Variants in SF3B2 observed in about 807,000 individuals in gnomAD.
The protein encoded by SF3B2 is splicing factor 3b subunit 2.
In SF3B2, 22 loss-of-function variants were observed where a neutral mutation model predicts 116.3. The observed-to-expected ratio is 0.19, with a 90% CI of 0.14 to 0.27. SF3B2 has a LOEUF of 0.27. Ranked by LOEUF, SF3B2 falls within the 10% of genes least tolerant of loss-of-function variation. SF3B2 has a pLI of 1.00. For missense variants in SF3B2, 767 were observed against 1,151.4 expected (o/e 0.67, Z 4.83); for synonymous variants, 406 against 421.6 (o/e 0.96, Z 0.45).
At position 66,063,077 on chromosome 11, in the gene SF3B2, C is replaced by G. The variant is rs1333637222; in HGVS notation, c.2046C>G (p.Leu682=). Reference sequence around the variant, plus strand: ...CAGTGGATGAGACTGGGAAACCGCTCTATGGGGACGTGTTTGGAACCAATG... The same window carrying G: ...CAGTGGATGAGACTGGGAAACCGCTGTATGGGGACGTGTTTGGAACCAATG... ...KPPVDETGKP[L]YGDVFGTNAA... Residue 682 remains leucine, a synonymous_variant, in exon 17 of 22, where the codon CTC becomes CTG. Coordinates refer to ENST00000322535, the MANE Select transcript of SF3B2 (RefSeq NM_006842.3). The G allele has an allele frequency of 1.9e-6, 3 of 1,614,016 alleles. No individual in the cohort carries two copies. The highest frequency in any genetic ancestry group is 2.5e-6 in the Non-Finnish European group (3 of 1,179,948).
In SF3B2 at chr11:66,061,876, C is replaced by G. The variant is rs774049962; in HGVS notation, c.1870-15C>G. 10 of 1,610,302 alleles carry G rather than the reference C, an allele frequency of 6.2e-6. No individual in the cohort carries two copies. Among genetic ancestry groups the G allele is most frequent in the Non-Finnish European group, 8.5e-6 (10 of 1,176,984 alleles). ...AGGGTTTGGCAGATGGTATCCTGTT[C>G]TCTTTTTCCTGCAGAATGCCCACAA... On this transcript the variant is annotated splice_polypyrimidine_tract_variant and intron_variant, in intron 15 of 21. Transcript: ENST00000322535.
intron 1 of SF3B2, 62 bp downstream of exon 1, chr11:66,052,579 C>T: frequency 6.3e-7 from 1 of 1,593,268 alleles, no homozygotes; most frequent in Non-Finnish European, 8.6e-7. Flanking sequence ...GCCTGGTTAC[C>T]CGGGAGACTC....
chr11:66,057,351 G>A lies in SF3B2; in HGVS notation c.753G>A (p.Pro251=), dbSNP rs1288316143. ...APVPRPRGPP[P]PPGDENREMD... ...TTCCCCGGCCTCGTGGTCCCCCACCGCCCCCTGGAGATGAGAACAGAGAGG... is the reference window on the plus strand; with the variant it reads ...TTCCCCGGCCTCGTGGTCCCCCACCACCCCCTGGAGATGAGAACAGAGAGG... The change falls in exon 7 of 22, where the codon CCG becomes CCA. Residue 251 remains proline, a synonymous_variant. Transcript: ENST00000322535. 3.1e-5 allele frequency: 45 copies of A among 1,450,620 alleles called. No homozygotes were observed. Among genetic ancestry groups the A allele is most frequent in the Non-Finnish European group, 3.6e-5 (37 of 1,030,688 alleles). The allele number at this position is 1,450,620 out of a possible 1,614,324, so 89.9% of individuals were successfully genotyped here.
intron 19 of SF3B2, chr11:66,067,273 T>TA (rs771415875): frequency 5.9e-5 from 23 of 392,576 alleles, no homozygotes; most frequent in Non-Finnish European, 1.1e-4. Context: ...ATGAACCCTT[T>TA]AGGTCATGGT....
intron 3 of SF3B2, 85 bp from the exon 4 acceptor site, chr11:66,054,991 C>G (rs1199101773): frequency 7.5e-7 from 1 of 1,339,502 alleles, no homozygotes; most frequent in African/African-American, 1.5e-5. Flanking sequence ...AGAATTCCAG[C>G]TCCTGACTCA....
At chr11:66,052,899 C>T (rs1469562390) in intron 2 of SF3B2, 128 bp from the exon 3 acceptor site, 2 of 1,228,550 alleles carry the variant, frequency 1.6e-6, no homozygotes, top group Non-Finnish European at 1.2e-6. Flanking sequence ...CATCTTGGTC[C>T]TCTTCAGTGC....
At chr11:66,057,405 A>T (rs1213068988) in intron 7 of SF3B2, 30 bp downstream of exon 7, 1 of 1,015,522 alleles carries the variant, frequency 9.8e-7, no homozygotes, top group South Asian at 1.3e-5. Flanking sequence ...CCTAGGGATA[A>T]GAGAGTGGTA....
chr11:66,063,149 C>T, intron 17 of SF3B2, 33 bp downstream of exon 17: 1 of 1,497,432 alleles, frequency 6.7e-7, no homozygotes, highest in Non-Finnish European at 9.3e-7. Context: ...CTTGGTTTTA[C>T]TTAATGTCAT....
Position 66,052,549 on chromosome 11 carries a change from C to T in SF3B2, c.133+32C>T, listed in dbSNP as rs768302585. ...AACACAGGAAGTCGAGGGGCCTTTACGGGCCTGCGGAGAAGCGGAGCCTGG... is the reference window on the plus strand; with the variant it reads ...AACACAGGAAGTCGAGGGGCCTTTATGGGCCTGCGGAGAAGCGGAGCCTGG... On this transcript the variant is annotated intron_variant, in intron 1 of 21. Transcript: ENST00000322535. 3.1e-6 allele frequency: 5 copies of T among 1,597,752 alleles called. No individual in the cohort carries two copies. The Admixed American group carries it at 5.2e-5, about 17-fold the overall frequency.
intron 3 of SF3B2, 51 bp downstream of exon 3, chr11:66,053,155 G>C (rs1412942543): frequency 6.5e-7 from 1 of 1,536,974 alleles, no homozygotes; most frequent in African/African-American, 1.4e-5. Context: ...TCCTTTTGTA[G>C]TTCATGAGCA....
chr11:66,052,758 T>G, intron 2 of SF3B2, 39 bp downstream of exon 2: 4 of 1,534,468 alleles, frequency 2.6e-6, no homozygotes, highest in Non-Finnish European at 3.5e-6. Flanking sequence ...AGGCCGAGCT[T>G]CTCCAGGAGA....
Position 66,061,882 on chromosome 11 carries a change from T to G in SF3B2, c.1870-9T>G. ...TGGCAGATGGTATCCTGTTCTCTTT[T>G]TCCTGCAGAATGCCCACAAGGTCCC... On this transcript the variant is annotated splice_polypyrimidine_tract_variant and intron_variant, in intron 15 of 21. Coordinates refer to ENST00000322535, the MANE Select transcript of SF3B2 (RefSeq NM_006842.3). 6.2e-7 allele frequency: 1 copy of G among 1,611,734 alleles called. No individual in the cohort carries two copies. The highest frequency in any genetic ancestry group is 1.3e-5 in the African/African-American group (1 of 74,970).
chr11:66,059,209 T>A lies in SF3B2; in HGVS notation c.1191T>A (p.Asp397Glu). The change falls in exon 11 of 22, where the codon GAT (aspartate) becomes GAA (glutamate). Residue 397 changes from aspartate (D) to glutamate (E), a missense_variant. By Grantham distance (45) the Asp-to-Glu change is conservative. Coordinates refer to ENST00000322535, the MANE Select transcript of SF3B2 (RefSeq NM_006842.3). The surrounding 1 kb of genome is among the most constrained non-coding windows in gnomAD (Gnocchi z 5.0). ...CTTGTCTGCCTCCTTAGCTCACTGA[T>A]GATGTGAAGAAGGAGAAAGAGAAGG... ...KRIFEAFKLT[D>E]DVKKEKEKEP... 6 of 1,613,938 alleles carry A rather than the reference T, an allele frequency of 3.7e-6. No homozygotes were observed. Among genetic ancestry groups the A allele is most frequent in the Non-Finnish European group, 5.1e-6 (6 of 1,180,006 alleles).
rs762808197 is a variant in SF3B2, at chr11:66,058,820, C to T, written c.967-10C>T. ...TTCCCTGACCCAGCTGGTTTTCCTCCTCTTGACAGAAAAACCGGAAGCGTA... is the reference window on the plus strand; with the variant it reads ...TTCCCTGACCCAGCTGGTTTTCCTCTTCTTGACAGAAAAACCGGAAGCGTA... On this transcript the variant is annotated splice_polypyrimidine_tract_variant and intron_variant, in intron 9 of 21. Transcript: ENST00000322535. 4.4e-6 allele frequency: 7 copies of T among 1,606,408 alleles called. No individual in the cohort carries two copies. In the African/African-American group the frequency reaches 8.1e-5, roughly 18 times the overall value.
chr11:66,062,083 C>T (rs2135051275), intron 16 of SF3B2, 85 bp downstream of exon 16: 2 of 872,970 alleles, frequency 2.3e-6, no homozygotes, highest in East Asian at 2.7e-5. Flanking sequence ...TCTAACTCCA[C>T]CATGTGTCTC....
chr11:66,058,580 C>T, intron 9 of SF3B2, 175 bp downstream of exon 9: 1 of 632,230 alleles, frequency 1.6e-6, no homozygotes. Flanking sequence ...ACTATACGTG[C>T]CTACATTTTA....
intron 14 of SF3B2, among the ~76,000 whole-genome samples, chr11:66,061,186 C>G (rs1462568854): frequency 1.3e-5 from 2 of 152,198 alleles, no homozygotes; most frequent in African/African-American, 4.8e-5. Flanking sequence ...AAAAATGAGG[C>G]TCTATTTGGA....
chr11:66,060,305 G>A (rs1035613399), intron 13 of SF3B2, among the ~76,000 whole-genome samples: 2 of 152,168 alleles, frequency 1.3e-5, no homozygotes, highest in Non-Finnish European at 2.9e-5. Flanking sequence ...AAGAACATGG[G>A]GAAGTCTCTG....
chr11:66,058,754 G>C, intron 9 of SF3B2, 76 bp from the exon 10 acceptor site: 1 of 1,243,430 alleles, frequency 8.0e-7, no homozygotes, highest in Non-Finnish European at 1.1e-6. Context: ...GGGAGAATGG[G>C]GGAGGAGTTT....
Sources: allele counts gnomAD v4.1 joint callset (sites outside exome capture counted in the v4.1 genomes callset), GRCh38; gene constraint gnomAD v4.1.1; non-coding constraint Gnocchi (gnomAD v3.1); transcripts MANE v1.5; gene names NCBI Gene and HGNC (gene_info 2026-07-23, HGNC 2026-07-21).